PCDH9: variants seen among roughly 807,000 people sequenced by gnomAD.
PCDH9 encodes protocadherin 9, also known as protocadherin-9.
A neutral mutation model predicts 70.6 loss-of-function variants in PCDH9; 24 were observed. The observed-to-expected ratio is 0.34, with a 90% CI of 0.25 to 0.48. The LOEUF (loss-of-function observed/expected upper bound fraction) is 0.48, where lower values mean the gene tolerates loss of function less well. Among genes scored for constraint, PCDH9 ranks in the 20% least tolerant of loss-of-function variants. The probability of loss-of-function intolerance (pLI) is 0.99; values close to 1 mark genes in which losing one functional copy is unlikely to be tolerated. For missense variants in PCDH9, 1,281 were observed against 1,503.6 expected, an observed-to-expected ratio of 0.85 and a Z score of 2.45; for synonymous variants, 562 against 558.5, an observed-to-expected ratio of 1.01 and a Z score of -0.09.
chr13:66,447,464 A>G (rs1222551641), intron 4 of PCDH9, among the ~76,000 whole-genome samples: 2 of 152,144 alleles, frequency 1.3e-5, no homozygotes, highest in African/African-American at 4.8e-5. Flanking sequence ...ATCTTCTCCC[A>G]AGAAATTTAC....
At chr13:66,754,271 A>C (rs58376262) in intron 3 of PCDH9, among the ~76,000 whole-genome samples, 2,230 of 152,218 alleles carry the variant, frequency 0.015, 63 homozygotes, top group African/African-American at 0.051. Context: ...GGAAATACCT[A>C]ATGTAGATGA....
intron 3 of PCDH9, among the ~76,000 whole-genome samples, chr13:66,776,281 C>A (rs2079891366): frequency 6.7e-6 from 1 of 150,324 alleles, no homozygotes; most frequent in Admixed American, 6.7e-5. Context: ...CTGGCCAGGG[C>A]AATCAGGCAG....
rs74093411 is a variant in PCDH9 at position 67,174,406 on chromosome 13, T to C, written c.3036+50999A>G. 6.8e-3 allele frequency among the ~76,000 whole-genome samples: 1,036 copies of C among 152,204 alleles called. 13 individuals are homozygous for C. The highest frequency in any genetic ancestry group is 0.023 in the African/African-American group (975 of 41,520). On this transcript the variant is annotated intron_variant, in intron 2 of 4. Transcript: ENST00000377865. The stretch of plus-strand genomic sequence containing the variant: ...TAAAATGCTCCTGTTTACAGAAAGC[T>C]CAGTTAAGAAGTCTGTGCTGCTCTT...
intron 3 of PCDH9, among the ~76,000 whole-genome samples, chr13:66,637,862 C>G (rs1011249844): frequency 1.3e-5 from 2 of 150,950 alleles, no homozygotes; most frequent in African/African-American, 4.9e-5. Context: ...TGCAGTGAGC[C>G]GAGATCATGC....
chr13:66,631,435 G>A, intron 3 of PCDH9, 24 bp from the exon 4 acceptor site: 1 of 1,363,600 alleles, frequency 7.3e-7, no homozygotes, highest in Non-Finnish European at 1.0e-6. Context: ...CACAGGACAT[G>A]CTGATTAACA....
chr13:66,896,874 G>A (rs780764454), intron 3 of PCDH9, among the ~76,000 whole-genome samples: 1 of 152,074 alleles, frequency 6.6e-6, no homozygotes, highest in Non-Finnish European at 1.5e-5. Context: ...TGGCCTTCAC[G>A]CAGGCTGTAT....
At chr13:67,127,984 G>A (rs2087020686) in intron 2 of PCDH9, among the ~76,000 whole-genome samples, 1 of 152,010 alleles carries the variant, frequency 6.6e-6, no homozygotes, top group Non-Finnish European at 1.5e-5. Flanking sequence ...TTGCCATTTT[G>A]GAGGATATTA....
At chr13:66,647,381 G>A (rs1446373786) in intron 3 of PCDH9, among the ~76,000 whole-genome samples, 1 of 152,084 alleles carries the variant, frequency 6.6e-6, no homozygotes, top group African/African-American at 2.4e-5. Flanking sequence ...AGAGCACCAG[G>A]CAGAGTCTTG....
chr13:66,646,963 C>T (rs1029013118), intron 3 of PCDH9, among the ~76,000 whole-genome samples: 16 of 152,102 alleles, frequency 1.1e-4, no homozygotes, highest in African/African-American at 3.9e-4. Flanking sequence ...CAGTGGAAAG[C>T]AACACTGGGC....
At chr13:67,164,018 G>A (rs1223681535) in intron 2 of PCDH9, among the ~76,000 whole-genome samples, 1 of 151,994 alleles carries the variant, frequency 6.6e-6, no homozygotes, top group Non-Finnish European at 1.5e-5. Flanking sequence ...AAGTTTAAAG[G>A]ACTTAGTTCT....
At position 66,735,630 on chromosome 13, in the gene PCDH9, T is replaced by A. The variant is rs775481104; in HGVS notation, c.3139-104219A>T. Among the ~76,000 whole-genome samples, 3 of 152,180 alleles carry A rather than the reference T, an allele frequency of 2.0e-5. No individual in the cohort carries two copies. The South Asian group carries it at 6.2e-4, about 31-fold the overall frequency. On this transcript the variant is annotated intron_variant, in intron 3 of 4. Transcript: ENST00000377865. ...TGAAACAGAATCAGAGATATGTCAC[T>A]GTGTGAATTTGGTCTTATCTTTGCA...
intron 2 of PCDH9, among the ~76,000 whole-genome samples, chr13:67,083,348 A>G (rs1448550106): frequency 5.9e-5 from 9 of 152,164 alleles, no homozygotes; most frequent in Admixed American, 5.9e-4. Flanking sequence ...TCTACTGGGA[A>G]TCATTCTTAT....
At chr13:66,994,550 G>T (rs2084070704) in intron 2 of PCDH9, among the ~76,000 whole-genome samples, 1 of 152,120 alleles carries the variant, frequency 6.6e-6, no homozygotes. Flanking sequence ...TGTGATAACT[G>T]ATAAGAATTC....
chr13:67,068,082 TAA>T lies in PCDH9; in HGVS notation c.3036+157321_3036+157322del, dbSNP rs1407782956. Among the ~76,000 whole-genome samples the T allele has an allele frequency of 7.2e-5, 11 of 152,234 alleles. No individual in the cohort carries two copies. The South Asian group carries it at 2.3e-3, about 32-fold the overall frequency. On this transcript the variant is annotated intron_variant, in intron 2 of 4. Transcript: ENST00000377865. ...CAGTGTAAAACAAGTATAATAAATATAAGTCGATGCTAAATGCTTTCTAACTA... is the reference window on the plus strand; with the variant it reads ...CAGTGTAAAACAAGTATAATAAATATGTCGATGCTAAATGCTTTCTAACTA...
intron 4 of PCDH9, among the ~76,000 whole-genome samples, chr13:66,464,852 G>C (rs553493306): frequency 6.6e-6 from 1 of 151,818 alleles, no homozygotes; most frequent in Non-Finnish European, 1.5e-5. Flanking sequence ...TGAGTTCCAT[G>C]GTTCTAACTT....
chr13:67,137,719 TA>T (rs1182038786), intron 2 of PCDH9, among the ~76,000 whole-genome samples: 1 of 152,126 alleles, frequency 6.6e-6, no homozygotes, highest in African/African-American at 2.4e-5. Flanking sequence ...TATACAGAAA[TA>T]AAAGGAAATT....
chr13:66,738,718 G>A (rs970030206), intron 3 of PCDH9, among the ~76,000 whole-genome samples: 29 of 151,444 alleles, frequency 1.9e-4, no homozygotes, highest in African/African-American at 5.3e-4. Flanking sequence ...GAGCCGATGA[G>A]ATCAACTGGA....
intron 4 of PCDH9, among the ~76,000 whole-genome samples, chr13:66,334,036 T>C (rs558454950): frequency 1.3e-5 from 2 of 152,320 alleles, no homozygotes; most frequent in Non-Finnish European, 2.9e-5. Context: ...CATTTCTTTG[T>C]GTTGAGAACA....
chr13:66,616,622 T>G (rs113282935), intron 4 of PCDH9, among the ~76,000 whole-genome samples: 2,456 of 151,988 alleles, frequency 0.016, 55 homozygotes, highest in East Asian at 0.081. Flanking sequence ...TAACATTCTA[T>G]TTCTGAGCAA....
Sources: gnomAD v4.1 joint callset for allele counts (sites outside exome capture counted in the v4.1 genomes callset) on GRCh38, gnomAD v4.1.1 for gene constraint, MANE v1.5 for transcripts, NCBI Gene and HGNC (gene_info 2026-07-23, HGNC 2026-07-21) for gene names.